Variants in CNBD1 observed in about 807,000 individuals in gnomAD.
CNBD1 encodes the protein cyclic nucleotide-binding domain-containing protein 1.
CNBD1 carries 71 observed loss-of-function variants against 54.4 expected under a neutral mutation model. The ratio of observed to expected loss-of-function variants is 1.30; its 90% confidence interval spans 1.08 to 1.59. The LOEUF (loss-of-function observed/expected upper bound fraction) is 1.59. CNBD1 is among the 40% of genes most tolerant of loss of function. The probability of loss-of-function intolerance (pLI) is 0.00; values close to 1 mark genes in which losing one functional copy is unlikely to be tolerated. For synonymous variants in CNBD1, 182 were observed against 170.7 expected, an observed-to-expected ratio of 1.07 and a Z score of -0.51; for missense variants, 659 against 518.0, an observed-to-expected ratio of 1.27 and a Z score of -2.64.
Position 86,915,053 on chromosome 8 carries a change from A to G in CNBD1, c.272+9859A>G, listed in dbSNP as rs1809161641. Among the ~76,000 whole-genome samples, 3 of 152,214 alleles carry G rather than the reference A, an allele frequency of 2.0e-5. No homozygotes were observed. In the South Asian group the frequency reaches 6.2e-4, roughly 32 times the overall value. On this transcript the variant is annotated intron_variant, in intron 3 of 10. Transcript: ENST00000518476. ...GGAACCACAGTTGTATTATTACTCAAATCAGTTTCTCAGAGAATTTGGGGG... is the reference window on the plus strand; with the variant it reads ...GGAACCACAGTTGTATTATTACTCAGATCAGTTTCTCAGAGAATTTGGGGG...
chr8:86,877,895 G>A (rs1808547483), intron 1 of CNBD1, among the ~76,000 whole-genome samples: 1 of 151,872 alleles, frequency 6.6e-6, no homozygotes, highest in South Asian at 2.1e-4. Context: ...ATTTGAATGT[G>A]TTAGCCTCTG....
intron 5 of CNBD1, among the ~76,000 whole-genome samples, 171 bp downstream of exon 5, chr8:87,206,309 A>G (rs1813974912): frequency 6.6e-6 from 1 of 152,218 alleles, no homozygotes. Context: ...AATGAATAAC[A>G]TCTCACATTT....
chr8:87,069,963 G>A (rs1810727506), intron 4 of CNBD1, among the ~76,000 whole-genome samples: 1 of 152,114 alleles, frequency 6.6e-6, no homozygotes, highest in African/African-American at 2.4e-5. Flanking sequence ...TTCCCATGTG[G>A]TTCTGTTCAG....
chr8:87,400,077 T>C (rs1807527329), intron 2 of CNBD1, among the ~76,000 whole-genome samples: 1 of 151,896 alleles, frequency 6.6e-6, no homozygotes, highest in Non-Finnish European at 1.5e-5. Flanking sequence ...TTCCATAGGT[T>C]CTTCCAGGGG....
At chr8:87,023,237 G>A (rs1281270726) in intron 4 of CNBD1, among the ~76,000 whole-genome samples, 1 of 152,140 alleles carries the variant, frequency 6.6e-6, no homozygotes, top group Non-Finnish European at 1.5e-5. Context: ...CACACACATT[G>A]CTGATGAGGG....
At chr8:87,008,170 T>C (rs1187316280) in intron 4 of CNBD1, among the ~76,000 whole-genome samples, 1 of 152,352 alleles carries the variant, frequency 6.6e-6, no homozygotes, top group East Asian at 1.9e-4. Context: ...TTTTTTCCAG[T>C]GCCAATTCAG....
intron 8 of CNBD1, among the ~76,000 whole-genome samples, chr8:87,302,418 G>T (rs1164816481): frequency 6.6e-6 from 1 of 151,302 alleles, no homozygotes; most frequent in Non-Finnish European, 1.5e-5. Context: ...TGCAGAAAAG[G>T]CCTTTGACAA....
chr8:87,371,492 C>G (rs1252332455), intron 10 of CNBD1, among the ~76,000 whole-genome samples: 1 of 151,926 alleles, frequency 6.6e-6, no homozygotes, highest in Admixed American at 6.6e-5. Context: ...TTTTATGAGG[C>G]CAGCATCATC....
At chr8:87,079,986 A>C (rs564274398) in intron 4 of CNBD1, among the ~76,000 whole-genome samples, 91 of 152,232 alleles carry the variant, frequency 6.0e-4, no homozygotes, top group African/African-American at 2.1e-3. Flanking sequence ...TAATTTTTGG[A>C]TACAATGTGA....
At chr8:86,927,972 G>A (rs1375786248) in intron 3 of CNBD1, among the ~76,000 whole-genome samples, 1 of 152,046 alleles carries the variant, frequency 6.6e-6, no homozygotes, top group South Asian at 2.1e-4. Context: ...TAACTCGGGT[G>A]TGGTGAATCC....
intron 4 of CNBD1, among the ~76,000 whole-genome samples, chr8:87,002,577 C>A: frequency 6.6e-6 from 1 of 151,476 alleles, no homozygotes. Context: ...TACTCTTACT[C>A]ATGCTGAAAC....
chr8:86,908,802 G>GAGACGGAGTCC (rs1809057032), intron 3 of CNBD1, among the ~76,000 whole-genome samples: 1 of 82,458 alleles, frequency 1.2e-5, no homozygotes, highest in African/African-American at 4.5e-5. Context: ...TTTTTTTTTT[G>GAGACGGAGTCC]TGCTGAGGGC....
At chr8:86,960,381 C>G (rs770922960) in intron 4 of CNBD1, among the ~76,000 whole-genome samples, 1 of 152,184 alleles carries the variant, frequency 6.6e-6, no homozygotes, top group Non-Finnish European at 1.5e-5. Flanking sequence ...GAGCCTCACT[C>G]ACTGCTAGCA....
At position 87,285,169 on chromosome 8, in the gene CNBD1, CAGAT is replaced by C. The variant is rs377728078; in HGVS notation, c.909+356_909+359del. Among the ~76,000 whole-genome samples the C allele has an allele frequency of 2.0e-3, 299 of 152,182 alleles. 2 individuals are homozygous for C. The highest frequency in any genetic ancestry group is 0.012 in the South Asian group (59 of 4,828). On this transcript the variant is annotated intron_variant, in intron 7 of 10. Transcript: ENST00000518476. ...TGCTAAGAATACTAGAATAATAAGA[CAGAT>C]AATAGTACTGCTGCTTTCCCAGTCT...
chr8:87,122,447 C>T (rs1811908941), intron 4 of CNBD1, among the ~76,000 whole-genome samples: 1 of 151,674 alleles, frequency 6.6e-6, no homozygotes, highest in South Asian at 2.1e-4. Context: ...ATTAACTTAC[C>T]AGGTGTATGG....
chr8:87,353,507 A>C, intron 9 of CNBD1, 129 bp from the exon 10 acceptor site: 1 of 600,662 alleles, frequency 1.7e-6, no homozygotes, highest in South Asian at 2.8e-5. Flanking sequence ...TGTAATTTAA[A>C]TACAATTGCT....
At chr8:87,304,886 A>T (rs1809108978) in intron 8 of CNBD1, among the ~76,000 whole-genome samples, 1 of 152,098 alleles carries the variant, frequency 6.6e-6, no homozygotes, top group South Asian at 2.1e-4. Context: ...ACTCCTCTTC[A>T]ACATAGTACT....
chr8:87,145,018 A>G (rs962854622), intron 4 of CNBD1, among the ~76,000 whole-genome samples: 2 of 152,180 alleles, frequency 1.3e-5, no homozygotes, highest in African/African-American at 4.8e-5. Flanking sequence ...GTTCTAGAGG[A>G]CAGAATAAAG....
chr8:87,258,419 T>A (rs575044003), intron 6 of CNBD1, among the ~76,000 whole-genome samples: 39 of 135,384 alleles, frequency 2.9e-4, no homozygotes, highest in Admixed American at 6.3e-4. Flanking sequence ...TTTTTCTTTT[T>A]TTTATTTCTT....
Sources: allele counts gnomAD v4.1 joint callset (sites outside exome capture counted in the v4.1 genomes callset), GRCh38; gene constraint gnomAD v4.1.1; transcripts MANE v1.5; gene names NCBI Gene and HGNC (gene_info 2026-07-23, HGNC 2026-07-21).